The following COL11A1 variants were observed in gnomAD, a reference collection of about 807,000 sequenced individuals.
COL11A1 encodes the protein collagen type XI alpha 1 chain.
COL11A1 carries 74 observed loss-of-function variants against 265.2 expected under a neutral mutation model. That is an observed-to-expected ratio of 0.28 (90% CI 0.23 to 0.34). The LOEUF (loss-of-function observed/expected upper bound fraction) is 0.34. COL11A1 is among the 10% of genes least tolerant of loss of function. The probability of loss-of-function intolerance (pLI) is 1.00; values close to 1 mark genes in which losing one functional copy is unlikely to be tolerated. For synonymous variants in COL11A1, 816 were observed against 727.6 expected (o/e 1.12, Z -1.96); for missense variants, 2,165 against 2,263.6 (o/e 0.96, Z 0.88).
At chr1:103,095,035 T>C (rs1241515922) in intron 1 of COL11A1, among the ~76,000 whole-genome samples, 1 of 152,120 alleles carries the variant, frequency 6.6e-6, no homozygotes, top group Admixed American at 6.6e-5. Flanking sequence ...TTACCATTTC[T>C]ACACAGCTGT....
intron 1 of COL11A1, among the ~76,000 whole-genome samples, chr1:103,088,772 G>A (rs2102356016): frequency 6.6e-6 from 1 of 152,278 alleles, no homozygotes; most frequent in African/African-American, 2.4e-5. Flanking sequence ...AGCAGATATG[G>A]TAGCACAGAT....
intron 36 of COL11A1, among the ~76,000 whole-genome samples, chr1:102,971,749 C>T (rs1661997801): frequency 6.6e-6 from 1 of 151,944 alleles, no homozygotes; most frequent in African/African-American, 2.4e-5. Flanking sequence ...GTATTGACAT[C>T]CTGGGTGCCC....
chr1:102,900,013 T>A (rs558032477), intron 54 of COL11A1, among the ~76,000 whole-genome samples: 3 of 152,166 alleles, frequency 2.0e-5, no homozygotes, highest in African/African-American at 7.2e-5. Flanking sequence ...CAATGTAATA[T>A]CAGTATAGCA....
intron 15 of COL11A1, among the ~76,000 whole-genome samples, chr1:103,006,990 C>T (rs1665687648): frequency 6.6e-6 from 1 of 151,990 alleles, no homozygotes; most frequent in Non-Finnish European, 1.5e-5. Flanking sequence ...CCCTTTCTTT[C>T]ACTTTCTCTC....
intron 35 of COL11A1, among the ~76,000 whole-genome samples, chr1:102,976,501 G>T (rs1662508088): frequency 6.6e-6 from 1 of 151,856 alleles, no homozygotes; most frequent in Non-Finnish European, 1.5e-5. Flanking sequence ...GTTTCACCAT[G>T]TTGGCCAGGC....
chr1:103,075,329 G>A (rs1393665885), intron 3 of COL11A1, among the ~76,000 whole-genome samples: 1 of 152,090 alleles, frequency 6.6e-6, no homozygotes, highest in East Asian at 1.9e-4. Flanking sequence ...TATTTCAAGT[G>A]CTTTCATTAT....
intron 31 of COL11A1, among the ~76,000 whole-genome samples, 182 bp downstream of exon 31, chr1:102,983,956 A>C (rs192215489): frequency 4.6e-5 from 7 of 152,160 alleles, no homozygotes; most frequent in Admixed American, 3.9e-4. Flanking sequence ...TGCAATCCAT[A>C]ATCACCTAAG....
chr1:103,016,498 A>G lies in COL11A1; in HGVS notation c.1414-756T>C, dbSNP rs552903497. Among the ~76,000 whole-genome samples, 13 of 152,114 alleles carry G rather than the reference A, an allele frequency of 8.5e-5. No individual in the cohort carries two copies. The South Asian group carries it at 1.2e-3, about 15-fold the overall frequency. ...AGTATGTGACTCATAGATATAAGGT[A>G]TATGTCCATAAGCTTTCAATATAAG... is the stretch of plus-strand genomic sequence containing the variant. On this transcript the variant is annotated intron_variant, in intron 11 of 66. Transcript: ENST00000370096.
At chr1:102,986,454 C>T (rs1336482994) in intron 30 of COL11A1, among the ~76,000 whole-genome samples, 1 of 150,962 alleles carries the variant, frequency 6.6e-6, no homozygotes, top group Non-Finnish European at 1.5e-5. Flanking sequence ...AGGAGATATA[C>T]CTAATGTAAA....
chr1:103,041,377 C>CT (rs34170590), intron 4 of COL11A1, among the ~76,000 whole-genome samples: 12,303 of 150,238 alleles, frequency 0.082, 546 homozygotes, highest in Middle Eastern at 0.16. Flanking sequence ...TAGCATCATC[C>CT]TTTTTTTTTG....
At chr1:102,965,095 T>C (rs1373082326) in intron 38 of COL11A1, among the ~76,000 whole-genome samples, 1 of 152,222 alleles carries the variant, frequency 6.6e-6, no homozygotes, top group Non-Finnish European at 1.5e-5. Flanking sequence ...TTTCTAAATC[T>C]AATTTATACT....
chr1:103,046,037 G>A (rs563166327), intron 4 of COL11A1, among the ~76,000 whole-genome samples: 2 of 151,414 alleles, frequency 1.3e-5, no homozygotes, highest in South Asian at 4.2e-4. Flanking sequence ...ATTTGGGTTG[G>A]TTCCAAGTCT....
chr1:103,098,019 T>A (rs1204340208), intron 1 of COL11A1, among the ~76,000 whole-genome samples: 1 of 151,746 alleles, frequency 6.6e-6, no homozygotes, highest in African/African-American at 2.4e-5. Context: ...TAGTTGAGAG[T>A]ATGACATTTT....
chr1:102,965,114 T>C (rs1204648236), intron 38 of COL11A1, among the ~76,000 whole-genome samples: 2 of 152,170 alleles, frequency 1.3e-5, no homozygotes, highest in Non-Finnish European at 2.9e-5. Context: ...CTCAAAACCA[T>C]GAAGTCATTT....
At chr1:102,992,713 T>A (rs1439292699) in intron 28 of COL11A1, among the ~76,000 whole-genome samples, 2 of 152,066 alleles carry the variant, frequency 1.3e-5, no homozygotes, top group Non-Finnish European at 2.9e-5. Context: ...ACTACTTGAT[T>A]GGTATATTAG....
chr1:103,092,553 T>C (rs1182810307), intron 1 of COL11A1, among the ~76,000 whole-genome samples: 1 of 152,122 alleles, frequency 6.6e-6, no homozygotes, highest in Non-Finnish European at 1.5e-5. Context: ...CAGCAATAAA[T>C]GAAAACTGCA....
intron 41 of COL11A1, among the ~76,000 whole-genome samples, chr1:102,947,667 A>G (rs1659442901): frequency 6.6e-6 from 1 of 151,966 alleles, no homozygotes; most frequent in Non-Finnish European, 1.5e-5. Context: ...GCTTTTTTAA[A>G]AAACCTCATA....
Position 103,027,710 on chromosome 1 carries a change from T to C in COL11A1, c.781-1378A>G, listed in dbSNP as rs565382070. Reference sequence around the variant, plus strand: ...AGTGCCTTCTAATAATAAGCTCTAGTAGCTTAAGAGGAGTTATGAATTACA... The same window carrying C: ...AGTGCCTTCTAATAATAAGCTCTAGCAGCTTAAGAGGAGTTATGAATTACA... On this transcript the variant is annotated intron_variant, in intron 5 of 66. Coordinates refer to ENST00000370096, the MANE Select transcript of COL11A1 (RefSeq NM_001854.4). Among the ~76,000 whole-genome samples, 31 of 152,064 alleles carry C rather than the reference T, an allele frequency of 2.0e-4. No individual in the cohort carries two copies. The South Asian group carries it at 6.2e-3, about 31-fold the overall frequency.
intron 49 of COL11A1, among the ~76,000 whole-genome samples, chr1:102,916,683 A>G (rs190217425): frequency 2.4e-4 from 37 of 152,158 alleles, no homozygotes; most frequent in Admixed American, 2.4e-3. Context: ...ATACACAAAT[A>G]TTTTAAATTC....
Sources: gnomAD v4.1 joint callset for allele counts (sites outside exome capture counted in the v4.1 genomes callset) on GRCh38, gnomAD v4.1.1 for gene constraint, MANE v1.5 for transcripts, NCBI Gene and HGNC (gene_info 2026-07-23, HGNC 2026-07-21) for gene names.